SDK1: variants seen among roughly 807,000 people sequenced by gnomAD.
SDK1 encodes the protein sidekick cell adhesion molecule 1.
In SDK1, 157 loss-of-function variants were observed where a neutral mutation model predicts 245.5. The ratio of observed to expected loss-of-function variants is 0.64; its 90% CI spans 0.56 to 0.73. The LOEUF is 0.73. Among genes scored for constraint, SDK1 ranks in the 30% least tolerant of loss-of-function variants. The pLI is 0.00. For synonymous variants in SDK1, 1,647 were observed against 1,278.5 expected (o/e 1.29, Z -6.15); for missense variants, 3,583 against 3,002.3 (o/e 1.19, Z -4.52).
chr7:3,322,862 T>C lies in SDK1; in HGVS notation c.298+20978T>C, dbSNP rs115274767. 2.9e-3 allele frequency among the ~76,000 whole-genome samples: 442 copies of C among 152,066 alleles called. 1 individual carries two copies. Among genetic ancestry groups the C allele is most frequent in the African/African-American group, 0.01 (425 of 41,458 alleles). On this transcript the variant is annotated intron_variant, in intron 1 of 44. Transcript: ENST00000404826. ...TCTGTCTCTGTCGCCCAGGCTGGGGTGTGGTGGTGTGATCACAGCTCACTA... is the reference window on the plus strand; with the variant it reads ...TCTGTCTCTGTCGCCCAGGCTGGGGCGTGGTGGTGTGATCACAGCTCACTA...
At chr7:3,985,897 T>G (rs1174442864) in intron 13 of SDK1, among the ~76,000 whole-genome samples, 1 of 152,162 alleles carries the variant, frequency 6.6e-6, no homozygotes, top group Admixed American at 6.5e-5. Context: ...CAAGTATAAT[T>G]ATGGCTTTGT....
At chr7:3,960,960 G>A (rs1286869900) in intron 8 of SDK1, among the ~76,000 whole-genome samples, 5 of 152,102 alleles carry the variant, frequency 3.3e-5, no homozygotes, top group African/African-American at 1.2e-4. Context: ...ACATTAAATT[G>A]CCCCAAAATA....
At chr7:3,749,591 G>A (rs1053783949) in intron 4 of SDK1, among the ~76,000 whole-genome samples, 10 of 152,196 alleles carry the variant, frequency 6.6e-5, no homozygotes, top group Admixed American at 1.3e-4. Flanking sequence ...GAGCCACCGC[G>A]CCCAGCCGAA....
At chr7:3,484,422 G>A (rs956257715) in intron 1 of SDK1, among the ~76,000 whole-genome samples, 4 of 152,160 alleles carry the variant, frequency 2.6e-5, no homozygotes, top group African/African-American at 9.7e-5. Context: ...GAGGATTTCG[G>A]TAAACATGAG....
chr7:3,808,027 C>T (rs777610332), intron 4 of SDK1, among the ~76,000 whole-genome samples: 1 of 152,164 alleles, frequency 6.6e-6, no homozygotes, highest in African/African-American at 2.4e-5. Flanking sequence ...GTTGTCAAAG[C>T]GTCACCAGCT....
chr7:3,865,113 A>G (rs1010795815), intron 5 of SDK1, among the ~76,000 whole-genome samples: 4 of 152,208 alleles, frequency 2.6e-5, no homozygotes, highest in Admixed American at 2.6e-4. Context: ...GTAGAAAGGA[A>G]GGGCATGTCA....
At chr7:3,939,129 C>T (rs978354798) in intron 5 of SDK1, among the ~76,000 whole-genome samples, 2 of 152,144 alleles carry the variant, frequency 1.3e-5, no homozygotes, top group Admixed American at 6.5e-5. Flanking sequence ...GGGCAGGAAA[C>T]GAGAAGAACC....
At chr7:3,533,137 G>T (rs781456591) in intron 1 of SDK1, among the ~76,000 whole-genome samples, 16 of 152,186 alleles carry the variant, frequency 1.1e-4, no homozygotes, top group Admixed American at 7.9e-4. Flanking sequence ...GGTGGAGTTT[G>T]GTACAGTGCA....
At chr7:3,541,993 A>C (rs1779065616) in intron 1 of SDK1, among the ~76,000 whole-genome samples, 2 of 152,272 alleles carry the variant, frequency 1.3e-5, no homozygotes, top group Admixed American at 6.5e-5. Flanking sequence ...AACATGGCAC[A>C]TGTATACATA....
intron 4 of SDK1, among the ~76,000 whole-genome samples, chr7:3,682,760 CG>C (rs537733554): frequency 9.5e-4 from 144 of 151,400 alleles, no homozygotes; most frequent in Non-Finnish European, 1.8e-3. Context: ...CTTTGTCACT[CG>C]ATCTGATGGA....
In SDK1 at chr7:3,575,590, A is replaced by G. The variant is rs565241497; in HGVS notation, c.299-43490A>G. Among the ~76,000 whole-genome samples, 19 of 152,056 alleles carry G rather than the reference A, an allele frequency of 1.2e-4. No individual in the cohort carries two copies. The South Asian group carries it at 3.7e-3, about 30-fold the overall frequency. On this transcript the variant is annotated intron_variant, in intron 1 of 44. Coordinates refer to ENST00000404826, the MANE Select transcript of SDK1 (RefSeq NM_152744.4). Reference sequence around the variant, plus strand: ...TTTTGCTGGGTTTTGATTTTTCAGGATGAGGGAAAATCGATCTAGAGAGAA... The same window carrying G: ...TTTTGCTGGGTTTTGATTTTTCAGGGTGAGGGAAAATCGATCTAGAGAGAA...
intron 1 of SDK1, among the ~76,000 whole-genome samples, chr7:3,597,018 C>T (rs994814219): frequency 2.6e-5 from 4 of 152,074 alleles, no homozygotes; most frequent in Non-Finnish European, 5.9e-5. Context: ...CACCTGTAAC[C>T]CCAGCACTTT....
intron 5 of SDK1, among the ~76,000 whole-genome samples, chr7:3,923,632 G>A (rs1779668240): frequency 6.6e-6 from 1 of 152,222 alleles, no homozygotes; most frequent in South Asian, 2.1e-4. Context: ...CTCCAGGTTG[G>A]TGCCATCAAA....
chr7:3,917,549 G>T (rs1562535451), intron 5 of SDK1, among the ~76,000 whole-genome samples: 1 of 152,184 alleles, frequency 6.6e-6, no homozygotes, highest in South Asian at 2.1e-4. Context: ...CGGACTCTGA[G>T]AGCAGAGGCC....
intron 5 of SDK1, among the ~76,000 whole-genome samples, chr7:3,841,499 C>T (rs62437952): frequency 3.8e-4 from 58 of 152,312 alleles, no homozygotes; most frequent in Middle Eastern, 3.4e-3. Flanking sequence ...CCAGTAGACA[C>T]TGAGCTCCAG....
chr7:4,220,608 G>A (rs1160604087), intron 39 of SDK1, among the ~76,000 whole-genome samples: 1 of 151,032 alleles, frequency 6.6e-6, no homozygotes, highest in Non-Finnish European at 1.5e-5. Context: ...CAGGTCATGG[G>A]GAAGAAGCAT....
At chr7:3,398,341 T>C (rs1401770585) in intron 1 of SDK1, among the ~76,000 whole-genome samples, 1 of 152,096 alleles carries the variant, frequency 6.6e-6, no homozygotes, top group African/African-American at 2.4e-5. Flanking sequence ...AAACATTCTA[T>C]AATCTTGTGA....
intron 3 of SDK1, among the ~76,000 whole-genome samples, chr7:3,641,612 A>G (rs1452044885): frequency 2.0e-5 from 3 of 152,368 alleles, no homozygotes; most frequent in African/African-American, 4.8e-5. Flanking sequence ...ATTTTCTGAC[A>G]GTTTCTGAGA....
chr7:3,576,150 C>G (rs1005561497), intron 1 of SDK1, among the ~76,000 whole-genome samples: 23 of 152,138 alleles, frequency 1.5e-4, no homozygotes, highest in Admixed American at 3.3e-4. Flanking sequence ...GAATTTTCTA[C>G]TAGACCAGGT....
Sources: gnomAD v4.1 joint callset for allele counts (sites outside exome capture counted in the v4.1 genomes callset) on GRCh38, gnomAD v4.1.1 for gene constraint, MANE v1.5 for transcripts, NCBI Gene and HGNC (gene_info 2026-07-23, HGNC 2026-07-21) for gene names.